The following CHERP variants were observed in gnomAD, a reference collection of about 807,000 sequenced individuals.
The protein encoded by CHERP is ERPROT 213-21.
CHERP carries 8 observed loss-of-function variants against 113.8 expected under a neutral mutation model. The ratio of observed to expected loss-of-function variants is 0.07; its 90% CI spans 0.04 to 0.13. The LOEUF (loss-of-function observed/expected upper bound fraction) is 0.13, where lower values mean the gene tolerates loss of function less well. Ranked by LOEUF, CHERP falls within the 10% of genes least tolerant of loss-of-function variation. The pLI is 1.00. For missense variants in CHERP, 884 were observed against 1,298.2 expected (o/e 0.68, Z 4.90); for synonymous variants, 559 against 524.5 (o/e 1.07, Z -0.90).
At chr19:16,529,465 G>A (rs1568508118) in intron 8 of CHERP, among the ~76,000 whole-genome samples, 183 bp downstream of exon 8, 1 of 152,204 alleles carries the variant, frequency 6.6e-6, no homozygotes, top group Non-Finnish European at 1.5e-5. Context: ...GATGGTTGTA[G>A]TTTTACTCTA....
chr19:16,520,397 G>C lies in CHERP; in HGVS notation c.2312C>G (p.Ser771Cys). The change falls in exon 14 of 17, where the codon TCC (serine) becomes TGC (cysteine). Residue 771 changes from serine (S) to cysteine (C), a missense_variant. Transcript: ENST00000546361. This position sits in a 1 kb window ranked among gnomAD's most constrained non-coding sequence, Gnocchi z 4.0. The stretch of plus-strand genomic sequence containing the variant: ...GGAGCGGGAGTAGGAACGGGAGCAG[G>C]AGCGCGACCTTGACCTTGAGTACGA... ...SGSYSRSRSR[S>C]CSRSYSRSRS... The C allele has an allele frequency of 6.2e-7, 1 of 1,614,130 alleles. No homozygotes were observed. The highest frequency in any genetic ancestry group is 1.1e-5 in the South Asian group (1 of 91,086).
chr19:16,519,773 C>G lies in CHERP; in HGVS notation c.2463-58G>C. ...GTAACTGAGACATTTATTGGAATGA[C>G]AGTGATGAGGACCTCACAGCCGCAG... is the stretch of plus-strand genomic sequence containing the variant. On this transcript the variant is annotated intron_variant, in intron 15 of 16. Coordinates refer to ENST00000546361, the MANE Select transcript of CHERP (RefSeq NM_006387.6). This position sits in a 1 kb window ranked among gnomAD's most constrained non-coding sequence, Gnocchi z 6.0. 1 of 1,436,330 alleles carries G rather than the reference C, an allele frequency of 7.0e-7. No individual in the cohort carries two copies. The highest frequency in any genetic ancestry group is 1.1e-5 in the South Asian group (1 of 87,076). The allele number at this position is 1,436,330 out of a possible 1,614,324, so 89.0% of individuals were successfully genotyped here.
rs899424653 is a variant in CHERP at position 16,518,769 on chromosome 19, G to A, written c.*390C>T. 1.2e-5 allele frequency: 3 copies of A among 240,656 alleles called. No homozygotes were observed. The highest frequency in any genetic ancestry group is 7.1e-5 in the African/African-American group (3 of 42,390). The allele number at this position is 240,656 out of a possible 1,614,324, so 14.9% of individuals were successfully genotyped here. A position where few individuals can be genotyped will look rare whatever the true frequency, so the allele number is the denominator to read the frequency against. ...AGCTGGGGTGCCGGCTCTGGCTCAG[G>A]CCAACCCTTCCTGCACATGCTCCTC... On this transcript the variant is annotated 3_prime_UTR_variant, in exon 17 of 17. Transcript: ENST00000546361.
In CHERP at chr19:16,530,240, G is replaced by A. The variant is rs1429125093; in HGVS notation, c.877-340C>T. ...ATGGGCTCTGCCTCCCACTCGCCAT[G>A]TGGCTCTCAGCAAGAGGGGCTGCCA... On this transcript the variant is annotated intron_variant, in intron 7 of 16. Transcript: ENST00000546361. The surrounding 1 kb of genome is among the most constrained non-coding windows in gnomAD (Gnocchi z 4.1). Among the ~76,000 whole-genome samples, 1 of 152,252 alleles carries A rather than the reference G, an allele frequency of 6.6e-6. No individual in the cohort carries two copies. Among genetic ancestry groups the A allele is most frequent in the African/African-American group, 2.4e-5 (1 of 41,466 alleles).
Position 16,519,408 on chromosome 19 carries a change from C to T in CHERP, c.2558-56G>A, listed in dbSNP as rs368721005. 3.9e-4 allele frequency: 607 copies of T among 1,543,822 alleles called. 2 individuals are homozygous for T. Among genetic ancestry groups the T allele is most frequent in the Admixed American group, 3.3e-4 (18 of 55,320 alleles). On this transcript the variant is annotated intron_variant, in intron 16 of 16. Coordinates refer to ENST00000546361, the MANE Select transcript of CHERP (RefSeq NM_006387.6). This position sits in a 1 kb window ranked among gnomAD's most constrained non-coding sequence, Gnocchi z 6.0. ...CAAGGCGGAGGCAGATGGGGGTGCACGTGGGGGGCTGAATGTCCAGACAGG... is the reference window on the plus strand; with the variant it reads ...CAAGGCGGAGGCAGATGGGGGTGCATGTGGGGGGCTGAATGTCCAGACAGG...
rs17029 is a variant in CHERP, at chr19:16,518,039, G to T, written c.*1120C>A. On this transcript the variant is annotated 3_prime_UTR_variant, in exon 17 of 17. Coordinates refer to ENST00000546361, the MANE Select transcript of CHERP (RefSeq NM_006387.6). Reference sequence around the variant, plus strand: ...TAGAACAAAATCAAATATTCATCACGTTGGGTTGAAAAGTTGGAAGATTTT... The same window carrying T: ...TAGAACAAAATCAAATATTCATCACTTTGGGTTGAAAAGTTGGAAGATTTT... 1 of 152,068 alleles carries T rather than the reference G, an allele frequency of 6.6e-6. No individual in the cohort carries two copies. The highest frequency in any genetic ancestry group is 1.9e-4 in the East Asian group (1 of 5,176). 9.4% of individuals were successfully genotyped at this position (152,068 alleles called of 1,614,324 possible). A position where few individuals can be genotyped will look rare whatever the true frequency, so the allele number is the denominator to read the frequency against.
intron 2 of CHERP, among the ~76,000 whole-genome samples, chr19:16,536,010 T>C (rs1307458073): frequency 6.6e-6 from 1 of 151,992 alleles, no homozygotes; most frequent in Non-Finnish European, 1.5e-5. Context: ...CCTCAGTACC[T>C]CTCATCCTCC....
intron 9 of CHERP, among the ~76,000 whole-genome samples, chr19:16,526,532 A>C (rs778562341): frequency 6.6e-6 from 1 of 151,896 alleles, no homozygotes; most frequent in Non-Finnish European, 1.5e-5. Context: ...CAGTGGCGCG[A>C]TCTTGGCTCA....
At chr19:16,534,912 CT>C in intron 3 of CHERP, among the ~76,000 whole-genome samples, 1 of 152,122 alleles carries the variant, frequency 6.6e-6, no homozygotes. Flanking sequence ...TCCATCTCTA[CT>C]ACAAATAGAA....
At chr19:16,522,569 C>A (rs1399997598) in intron 11 of CHERP, among the ~76,000 whole-genome samples, 1 of 152,124 alleles carries the variant, frequency 6.6e-6, no homozygotes, top group Non-Finnish European at 1.5e-5. Context: ...AGACCTGGCC[C>A]CTTCTTGCCT....
Position 16,541,909 on chromosome 19 carries a change from T to C in CHERP, c.160A>G (p.Ser54Gly), listed in dbSNP as rs370270417. 2 of 1,613,872 alleles carry C rather than the reference T, an allele frequency of 1.2e-6. No individual in the cohort carries two copies. The highest frequency in any genetic ancestry group is 4.5e-5 in the East Asian group (2 of 44,868). Residue 54 changes from serine to glycine, a missense_variant, in exon 2 of 17, where the codon AGT (serine) becomes GGT (glycine). Ser to Gly is a moderately conservative substitution (Grantham distance 56, BLOSUM62 0). Around this residue, in one of 8 missense-constraint regions of CHERP, gnomAD observed 17 missense variants for 50.8 expected, o/e 0.33. Transcript: ENST00000546361. ...FSFLFGGEFY[S>G]YYKCKLALEQ... ...AGCGCCAGCTTGCACTTGTAGTAAC[T>C]GTAGAATTCGCCTCCGAAAAGAAAC...
chr19:16,520,279 T>A lies in CHERP; in HGVS notation c.2346-14A>T, dbSNP rs1208471247. On this transcript the variant is annotated splice_polypyrimidine_tract_variant and intron_variant, in intron 14 of 16. Transcript: ENST00000546361. The surrounding 1 kb of genome is among the most constrained non-coding windows in gnomAD (Gnocchi z 4.0). Reference sequence around the variant, plus strand: ...CTGCTCCGACTTCTGCAGGGAAGGGTGCCCAAGGGTCAGCAGCAGCCAGGC... The same window carrying A: ...CTGCTCCGACTTCTGCAGGGAAGGGAGCCCAAGGGTCAGCAGCAGCCAGGC... 1.9e-6 allele frequency: 3 copies of A among 1,612,472 alleles called. No homozygotes were observed. Among genetic ancestry groups the A allele is most frequent in the Non-Finnish European group, 1.7e-6 (2 of 1,179,656 alleles).
chr19:16,520,232 G>C lies in CHERP; in HGVS notation c.2379C>G (p.Arg793=). 6.2e-7 allele frequency: 1 copy of C among 1,613,480 alleles called. No individual in the cohort carries two copies. Among genetic ancestry groups the C allele is most frequent in the Non-Finnish European group, 8.5e-7 (1 of 1,180,024 alleles). ...SRSRSRSSRS[R]SRSQSRSRSK... ...ACCGGGACCGCGACTGGGACCGGGA[G>C]CGGCTTCTGGAGGAGCGCGACCTGC... Residue 793 remains arginine, a synonymous_variant, in exon 15 of 17, where the codon CGC becomes CGG. Transcript: ENST00000546361. This position sits in a 1 kb window ranked among gnomAD's most constrained non-coding sequence, Gnocchi z 4.0.
chr19:16,520,141 G>C lies in CHERP; in HGVS notation c.2462+8C>G. On this transcript the variant is annotated splice_region_variant and intron_variant, in intron 15 of 16. Coordinates refer to ENST00000546361, the MANE Select transcript of CHERP (RefSeq NM_006387.6). This position sits in a 1 kb window ranked among gnomAD's most constrained non-coding sequence, Gnocchi z 4.0. Reference sequence around the variant, plus strand: ...GTTACCAGCGCAGCACTTAAGACAGGATCTTACGGCGGGGTGGGGCTCCTG... The same window carrying C: ...GTTACCAGCGCAGCACTTAAGACAGCATCTTACGGCGGGGTGGGGCTCCTG... 6.2e-7 allele frequency: 1 copy of C among 1,611,994 alleles called. No individual in the cohort carries two copies. Among genetic ancestry groups the C allele is most frequent in the Non-Finnish European group, 8.5e-7 (1 of 1,179,286 alleles).
Position 16,525,796 on chromosome 19 carries a change from C to T in CHERP, c.1306-119G>A, listed in dbSNP as rs1381536937. On this transcript the variant is annotated intron_variant, in intron 9 of 16. Transcript: ENST00000546361. The surrounding 1 kb of genome is among the most constrained non-coding windows in gnomAD (Gnocchi z 6.5). ...GACCATGGAGGCGCTGCCCTGGCCA[C>T]GTTGAGGCGCCTCCTACGCTGACGC... 5 of 920,752 alleles carry T rather than the reference C, an allele frequency of 5.4e-6. No homozygotes were observed. The highest frequency in any genetic ancestry group is 1.7e-5 in the African/African-American group (1 of 57,150). The allele number at this position is 920,752 out of a possible 1,614,324, so 57.0% of individuals were successfully genotyped here. A position where few individuals can be genotyped will look rare whatever the true frequency, so the allele number is the denominator to read the frequency against.
At position 16,520,073 on chromosome 19, in the gene CHERP, C is replaced by G; in HGVS notation, c.2462+76G>C. On this transcript the variant is annotated intron_variant, in intron 15 of 16. Transcript: ENST00000546361. This position sits in a 1 kb window ranked among gnomAD's most constrained non-coding sequence, Gnocchi z 4.0. ...GCCTCCTAACACAGTCTCCTAACCA[C>G]CAATGTTTCCACATTCACAGCAAAG... The G allele has an allele frequency of 6.8e-7, 1 of 1,460,370 alleles. No individual in the cohort carries two copies. Among genetic ancestry groups the G allele is most frequent in the Non-Finnish European group, 9.5e-7 (1 of 1,051,016 alleles). The allele number at this position is 1,460,370 out of a possible 1,614,324, so 90.5% of individuals were successfully genotyped here.
chr19:16,537,993 G>T (rs1299421653), intron 2 of CHERP, among the ~76,000 whole-genome samples: 1 of 152,194 alleles, frequency 6.6e-6, no homozygotes, highest in Non-Finnish European at 1.5e-5. Flanking sequence ...CAGAGTTCGT[G>T]AAGCTCCATT....
chr19:16,521,290 C>T (rs540108836), intron 12 of CHERP: 10 of 572,490 alleles, frequency 1.7e-5, no homozygotes, highest in South Asian at 4.6e-5. Context: ...TGAGACGTGC[C>T]GCCGTGCCAC....
In CHERP at chr19:16,541,963, C is replaced by T. The variant is rs1479714715; in HGVS notation, c.106G>A (p.Glu36Lys). 6.2e-7 allele frequency: 1 copy of T among 1,614,044 alleles called. No individual in the cohort carries two copies. The highest frequency in any genetic ancestry group is 1.3e-5 in the African/African-American group (1 of 74,950). Residue 36 changes from glutamate (E) to lysine (K), a missense_variant, in exon 2 of 17, where the codon GAG becomes AAG. Around this residue, in one of 8 missense-constraint regions of CHERP, gnomAD observed 17 missense variants for 50.8 expected, o/e 0.33. Coordinates refer to ENST00000546361, the MANE Select transcript of CHERP (RefSeq NM_006387.6). ...NGPEFEKMTMEKQKDNPKFSF... is the reference protein window; with the variant it reads ...NGPEFEKMTMKKQKDNPKFSF... ...AATTTGGGGTTGTCCTTCTGCTTCTCCATAGTCATCTTCTCAAACTCGGGC... is the reference window on the plus strand; with the variant it reads ...AATTTGGGGTTGTCCTTCTGCTTCTTCATAGTCATCTTCTCAAACTCGGGC...
Sources: allele counts gnomAD v4.1 joint callset (sites outside exome capture counted in the v4.1 genomes callset), GRCh38; gene constraint gnomAD v4.1.1; regional missense constraint gnomAD v4.1.1; non-coding constraint Gnocchi (gnomAD v3.1); transcripts MANE v1.5; gene names NCBI Gene and HGNC (gene_info 2026-07-23, HGNC 2026-07-21).